The following RNF17 variants were observed in gnomAD, a reference collection of about 807,000 sequenced individuals.
RNF17 encodes ring finger protein 17.
Under a neutral mutation model 200.5 loss-of-function variants are expected in RNF17, and 31 were observed. The ratio of observed to expected loss-of-function variants is 0.15; its 90% CI spans 0.12 to 0.21. The LOEUF (loss-of-function observed/expected upper bound fraction) is 0.21. Ranked by LOEUF, RNF17 falls within the 10% of genes least tolerant of loss-of-function variation. The probability of loss-of-function intolerance (pLI) is 1.00; values close to 1 mark genes in which losing one functional copy is unlikely to be tolerated. For missense variants in RNF17, 1,628 were observed against 1,905.1 expected, an observed-to-expected ratio of 0.85 and a Z score of 2.71; for synonymous variants, 606 against 637.8, an observed-to-expected ratio of 0.95 and a Z score of 0.75.
At chr13:24,748,772 G>A in the RNF17 span, among the ~76,000 whole-genome samples, 14 of 151,794 alleles carry the variant, frequency 9.2e-5, no homozygotes, top group African/African-American at 2.9e-4. Context: ...TTGAGACAGG[G>A]TCTCACTCTG....
chr13:24,865,841 T>C (rs1893568686), intron 29 of RNF17, among the ~76,000 whole-genome samples: 1 of 152,128 alleles, frequency 6.6e-6, no homozygotes, highest in Non-Finnish European at 1.5e-5. Flanking sequence ...TTTATAAAGA[T>C]TACTTAGTCT....
downstream of RNF17, among the ~76,000 whole-genome samples, chr13:24,881,314 T>G (rs140969351): frequency 6.6e-6 from 1 of 152,050 alleles, no homozygotes; most frequent in African/African-American, 2.4e-5. Context: ...CTAACTTTTG[T>G]ATTTTTAGTA....
At chr13:24,888,034 C>G in the RNF17 span, among the ~76,000 whole-genome samples, 1 of 152,080 alleles carries the variant, frequency 6.6e-6, no homozygotes. Context: ...GGTGGTAACC[C>G]GAGTATTTGC....
rs1172539665 is a variant in RNF17, at chr13:24,809,523, TTCTC to T, written c.2091+5098_2091+5101del. On this transcript the variant is annotated intron_variant, in intron 15 of 35. Transcript: ENST00000255324. ...CATTTTTATTGCGTCTATTTGATTC[TTCTC>T]TCTTTTTTTCTTTGTTAGTCTTGCT... is the stretch of plus-strand genomic sequence containing the variant. Among the ~76,000 whole-genome samples the T allele has an allele frequency of 4.6e-5, 7 of 152,192 alleles. No homozygotes were observed. In the South Asian group the frequency reaches 6.2e-4, roughly 14 times the overall value.
At position 24,831,867 on chromosome 13, in the gene RNF17, T is replaced by A. The variant is rs751776459; in HGVS notation, c.2371T>A (p.Cys791Ser). The change falls in exon 18 of 36, where the codon TGT becomes AGT. Residue 791 changes from cysteine to serine, a missense_variant. By Grantham distance (112) the Cys-to-Ser change is moderately radical. Around this residue, in one of 5 missense-constraint regions of RNF17, gnomAD observed 227 missense variants for 319.8 expected, o/e 0.71. Transcript: ENST00000255324. ...ATTTTGTCTGACACAGGCAATTAAA[T>A]GTAAGTTGGCCTATATTGAACCATA... ...FLNAPEKAIKCKLAYIEPYKR... is the reference protein window; with the variant it reads ...FLNAPEKAIKSKLAYIEPYKR... 1.9e-6 allele frequency: 3 copies of A among 1,593,958 alleles called. No individual in the cohort carries two copies. In the African/African-American group the frequency reaches 4.1e-5, roughly 22 times the overall value.
chr13:24,830,407 T>C, intron 16 of RNF17, 77 bp from the exon 17 acceptor site: 1 of 777,592 alleles, frequency 1.3e-6, no homozygotes, highest in South Asian at 1.6e-5. Context: ...CTAATCTAGT[T>C]GGCCATAAAC....
chr13:24,815,242 A>G (rs148216881), intron 15 of RNF17, among the ~76,000 whole-genome samples: 2 of 152,306 alleles, frequency 1.3e-5, no homozygotes, highest in Admixed American at 6.5e-5. Flanking sequence ...GGTTTTCAGC[A>G]TAACAATTTT....
At chr13:24,826,139 C>T in intron 16 of RNF17, 1 of 959,900 alleles carries the variant, frequency 1.0e-6, no homozygotes, top group Non-Finnish European at 1.2e-6. Context: ...TCTCTGCTTC[C>T]CTTCAATTTT....
intron 26 of RNF17, among the ~76,000 whole-genome samples, chr13:24,860,031 C>A (rs1892940834): frequency 6.6e-6 from 1 of 151,900 alleles, no homozygotes; most frequent in Non-Finnish European, 1.5e-5. Flanking sequence ...TACACTTTTT[C>A]TATTGAACTA....
intron 22 of RNF17, among the ~76,000 whole-genome samples, chr13:24,848,794 A>G (rs536609256): frequency 2.6e-4 from 39 of 152,362 alleles, no homozygotes; most frequent in African/African-American, 8.7e-4. Flanking sequence ...ATTTATATCC[A>G]TAATAAATCA....
chr13:24,766,533 C>A (rs1381473347), intron 1 of RNF17, among the ~76,000 whole-genome samples: 1 of 152,204 alleles, frequency 6.6e-6, no homozygotes, highest in Non-Finnish European at 1.5e-5. Context: ...TCTGGCCTTG[C>A]CAGTGTCTTA....
Position 24,793,359 on chromosome 13 carries a change from G to A in RNF17, c.1240+13G>A. The A allele has an allele frequency of 1.3e-6, 2 of 1,569,328 alleles. No individual in the cohort carries two copies. The highest frequency in any genetic ancestry group is 2.2e-5 in the East Asian group (1 of 44,544). On this transcript the variant is annotated intron_variant, in intron 10 of 35. Coordinates refer to ENST00000255324, the MANE Select transcript of RNF17 (RefSeq NM_031277.3). ...GACAACGTGGAAAGTAAGTTAAAAT[G>A]TAAAAGCAGAGGGGAAAGATCTTGT...
intron 34 of RNF17, among the ~76,000 whole-genome samples, 168 bp downstream of exon 34, chr13:24,877,354 T>C (rs944089704): frequency 6.6e-6 from 1 of 152,172 alleles, no homozygotes; most frequent in African/African-American, 2.4e-5. Context: ...AAAGCTTAAT[T>C]TTGAGGCTTG....
chr13:24,772,958 A>C (rs914769624), intron 2 of RNF17, among the ~76,000 whole-genome samples: 1 of 152,156 alleles, frequency 6.6e-6, no homozygotes, highest in Non-Finnish European at 1.5e-5. Flanking sequence ...ATAAACATGA[A>C]AAAATGCTCA....
intron 22 of RNF17, among the ~76,000 whole-genome samples, chr13:24,845,661 G>A (rs1229566381): frequency 3.3e-5 from 5 of 152,138 alleles, no homozygotes; most frequent in African/African-American, 1.2e-4. Flanking sequence ...AATAGGAATC[G>A]GCAACGGTAT....
chr13:24,884,553 T>G, downstream of RNF17: 6 of 1,314,326 alleles, frequency 4.6e-6, no homozygotes, highest in African/African-American at 1.5e-5. Flanking sequence ...TTGAAATTTT[T>G]TGTAATAAAA....
intron 15 of RNF17, among the ~76,000 whole-genome samples, chr13:24,817,207 G>A (rs1377471492): frequency 6.6e-6 from 1 of 152,058 alleles, no homozygotes; most frequent in Non-Finnish European, 1.5e-5. Flanking sequence ...TTCTTTAAAT[G>A]TTTGGTAGAA....
At chr13:24,802,310 C>T (rs935891652) in intron 13 of RNF17, 71 bp from the exon 14 acceptor site, 2 of 1,394,558 alleles carry the variant, frequency 1.4e-6, no homozygotes, top group Admixed American at 4.2e-5. Context: ...TGGTACAAAC[C>T]TAAATCCAGA....
chr13:24,871,911 G>A (rs1488355845), intron 32 of RNF17, among the ~76,000 whole-genome samples: 2 of 149,962 alleles, frequency 1.3e-5, no homozygotes, highest in Non-Finnish European at 3.0e-5. Flanking sequence ...GATTACAGGC[G>A]TGAGCCACCG....
Sources: gnomAD v4.1 joint callset for allele counts (sites outside exome capture counted in the v4.1 genomes callset) on GRCh38, gnomAD v4.1.1 for gene constraint, gnomAD v4.1.1 regional missense constraint, MANE v1.5 for transcripts, NCBI Gene and HGNC (gene_info 2026-07-23, HGNC 2026-07-21) for gene names.